CSMD3: variants seen among roughly 807,000 people sequenced by gnomAD.
CSMD3 encodes the protein CUB and Sushi multiple domains 3, also known as CUB and sushi domain-containing protein 3.
Under a neutral mutation model 435.2 loss-of-function variants are expected in CSMD3, and 177 were observed. The ratio of observed to expected loss-of-function variants is 0.41; its 90% CI spans 0.36 to 0.46. CSMD3 has a LOEUF of 0.46. CSMD3 is among the 20% of genes least tolerant of loss of function. The pLI, the probability that CSMD3 is intolerant of heterozygous loss-of-function variation, is 0.34. For missense variants in CSMD3, 4,265 were observed against 4,504.6 expected (o/e 0.95, Z 1.52); for synonymous variants, 1,656 against 1,520.5 (o/e 1.09, Z -2.07).
At chr8:112,974,932 T>C (rs2084790922) in intron 7 of CSMD3, among the ~76,000 whole-genome samples, 2 of 151,808 alleles carry the variant, frequency 1.3e-5, no homozygotes, top group African/African-American at 4.8e-5. Context: ...AATATTTTGA[T>C]ATCTTGGAAA....
intron 3 of CSMD3, among the ~76,000 whole-genome samples, chr8:113,199,591 A>T (rs1424361253): frequency 6.6e-6 from 1 of 151,516 alleles, no homozygotes; most frequent in Non-Finnish European, 1.5e-5. Flanking sequence ...GCACACATCT[A>T]CTCTATAGGT....
intron 4 of CSMD3, among the ~76,000 whole-genome samples, chr8:113,120,533 T>C (rs1363646808): frequency 6.6e-6 from 1 of 152,178 alleles, no homozygotes; most frequent in African/African-American, 2.4e-5. Context: ...CAAATAAAAG[T>C]AAGCAGCGTT....
At chr8:112,421,520 G>A (rs928941944) in intron 32 of CSMD3, among the ~76,000 whole-genome samples, 1 of 148,406 alleles carries the variant, frequency 6.7e-6, no homozygotes, top group African/African-American at 2.5e-5. Flanking sequence ...CTCCAGCCTC[G>A]GTGATAGAGG....
At chr8:113,108,809 C>T (rs1295456174) in intron 4 of CSMD3, among the ~76,000 whole-genome samples, 1 of 152,116 alleles carries the variant, frequency 6.6e-6, no homozygotes, top group Non-Finnish European at 1.5e-5. Context: ...TATTTTAAAG[C>T]ATTCTTGAGA....
In CSMD3 at chr8:112,440,737, G is replaced by T. The variant is rs370886727; in HGVS notation, c.5396-31705C>A. ...CGCCATGTGGAAGCTGCCAAGGTTT[G>T]GGACTTGCACCCTCTGAAGCAATGG... On this transcript the variant is annotated intron_variant, in intron 32 of 70. Coordinates refer to ENST00000297405, the MANE Select transcript of CSMD3 (RefSeq NM_198123.2). 2.4e-4 allele frequency among the ~76,000 whole-genome samples: 37 copies of T among 152,310 alleles called. No individual in the cohort carries two copies. The South Asian group carries it at 7.7e-3, about 32-fold the overall frequency.
intron 50 of CSMD3, among the ~76,000 whole-genome samples, chr8:112,308,130 T>C (rs1356297219): frequency 6.6e-6 from 1 of 152,110 alleles, no homozygotes; most frequent in Non-Finnish European, 1.5e-5. Flanking sequence ...CTCACATAAT[T>C]ATGTTATTAT....
At chr8:113,040,602 A>G (rs541570929) in intron 5 of CSMD3, among the ~76,000 whole-genome samples, 1 of 152,142 alleles carries the variant, frequency 6.6e-6, no homozygotes, top group East Asian at 1.9e-4. Context: ...AAATGACTCT[A>G]AATTCTTGGT....
intron 4 of CSMD3, among the ~76,000 whole-genome samples, chr8:113,148,448 T>C (rs1431785843): frequency 6.6e-6 from 1 of 151,804 alleles, no homozygotes; most frequent in Non-Finnish European, 1.5e-5. Flanking sequence ...TAAATGTAAC[T>C]GTATCTTCTG....
chr8:112,867,524 C>T (rs2081018002), intron 10 of CSMD3, among the ~76,000 whole-genome samples: 1 of 151,846 alleles, frequency 6.6e-6, no homozygotes, highest in African/African-American at 2.4e-5. Context: ...ATTGTGTAGC[C>T]TACTACAAAT....
intron 12 of CSMD3, among the ~76,000 whole-genome samples, chr8:112,800,665 T>A (rs893893219): frequency 1.3e-5 from 2 of 152,062 alleles, no homozygotes; most frequent in Non-Finnish European, 2.9e-5. Flanking sequence ...TAGAGAAATA[T>A]TGTTAAAATA....
chr8:112,943,156 G>T (rs1645643676), intron 9 of CSMD3, among the ~76,000 whole-genome samples: 1 of 151,428 alleles, frequency 6.6e-6, no homozygotes, highest in Non-Finnish European at 1.5e-5. Flanking sequence ...TTGATGTTTT[G>T]CCTATTGTGT....
At chr8:113,117,760 G>A (rs958358338) in intron 4 of CSMD3, among the ~76,000 whole-genome samples, 1 of 152,226 alleles carries the variant, frequency 6.6e-6, no homozygotes, top group African/African-American at 2.4e-5. Context: ...GCATGACCTA[G>A]ATGTGAGACA....
At chr8:112,572,395 AC>A (rs1264265634) in intron 24 of CSMD3, among the ~76,000 whole-genome samples, 2 of 152,136 alleles carry the variant, frequency 1.3e-5, no homozygotes, top group Non-Finnish European at 2.9e-5. Flanking sequence ...AGTATTATGG[AC>A]AAAAATGTTT....
chr8:112,441,502 T>C (rs951770742), intron 32 of CSMD3, among the ~76,000 whole-genome samples: 1 of 152,158 alleles, frequency 6.6e-6, no homozygotes, highest in Non-Finnish European at 1.5e-5. Context: ...TCCACATTTT[T>C]GGATGTCTTT....
At chr8:112,670,333 G>A (rs2075627406) in intron 16 of CSMD3, among the ~76,000 whole-genome samples, 1 of 152,040 alleles carries the variant, frequency 6.6e-6, no homozygotes, top group African/African-American at 2.4e-5. Flanking sequence ...AAAAGGACCT[G>A]GTTTGCTCCA....
intron 38 of CSMD3, among the ~76,000 whole-genome samples, chr8:112,378,387 T>C (rs1829156776): frequency 6.6e-6 from 1 of 152,134 alleles, no homozygotes; most frequent in African/African-American, 2.4e-5. Context: ...ATTGCAGCAG[T>C]ATTCACAATA....
intron 10 of CSMD3, among the ~76,000 whole-genome samples, chr8:112,870,561 C>T (rs1014538175): frequency 3.3e-5 from 5 of 151,964 alleles, no homozygotes; most frequent in African/African-American, 1.2e-4. Context: ...CAGGCGTGAG[C>T]CACTGCGCCC....
chr8:112,976,699 T>C (rs2084862120), intron 6 of CSMD3, among the ~76,000 whole-genome samples: 1 of 152,118 alleles, frequency 6.6e-6, no homozygotes, highest in Non-Finnish European at 1.5e-5. Flanking sequence ...TATGAAAATG[T>C]GTTTCTTAAC....
chr8:112,307,596 T>C (rs765858397), intron 50 of CSMD3, among the ~76,000 whole-genome samples: 1 of 152,174 alleles, frequency 6.6e-6, no homozygotes, highest in Non-Finnish European at 1.5e-5. Flanking sequence ...TGTGTATCTT[T>C]ATATATCACT....
Sources: allele counts gnomAD v4.1 joint callset (sites outside exome capture counted in the v4.1 genomes callset), GRCh38; gene constraint gnomAD v4.1.1; transcripts MANE v1.5; gene names NCBI Gene and HGNC (gene_info 2026-07-23, HGNC 2026-07-21).